RUNX1: variants seen among roughly 807,000 people sequenced by gnomAD.
RUNX1 encodes RUNX family transcription factor 1.
In RUNX1, 19 loss-of-function variants were observed where a neutral mutation model predicts 42.8. The observed-to-expected ratio is 0.44, with a 90% CI of 0.31 to 0.65. The LOEUF is 0.65. RUNX1 is among the 30% of genes least tolerant of loss of function. The pLI is 0.07. For synonymous variants in RUNX1, 271 were observed against 289.4 expected, an observed-to-expected ratio of 0.94 and a Z score of 0.64; for missense variants, 528 against 672.0, an observed-to-expected ratio of 0.79 and a Z score of 2.37.
At chr21:34,974,240 G>A (rs1430227565) in intron 2 of RUNX1, among the ~76,000 whole-genome samples, 1 of 152,060 alleles carries the variant, frequency 6.6e-6, no homozygotes, top group Non-Finnish European at 1.5e-5. Flanking sequence ...TCTGAGATCC[G>A]AACAATAAGT....
rs367784711 is a variant in RUNX1 at position 34,827,733 on chromosome 21, A to G, written c.805+6677T>C. ...CTGTGGCTTCAGTGGGCCTAGGTAT[A>G]CCTAGGCTGCCATTCTGAAGGGCAC... is the stretch of plus-strand genomic sequence containing the variant. On this transcript the variant is annotated intron_variant, in intron 7 of 8. Coordinates refer to ENST00000675419, the MANE Select transcript of RUNX1 (RefSeq NM_001754.5). 5.3e-5 allele frequency among the ~76,000 whole-genome samples: 8 copies of G among 152,296 alleles called. No individual in the cohort carries two copies. The South Asian group carries it at 1.5e-3, about 28-fold the overall frequency.
At position 35,031,166 on chromosome 21, in the gene RUNX1, T is replaced by C. The variant is rs561315690; in HGVS notation, c.58+17676A>G. ...GAGTTCGAGACCAGCCTGACCAACA[T>C]GGAGAGACCCTGTCTCTACTAAAAA... is the stretch of plus-strand genomic sequence containing the variant. On this transcript the variant is annotated intron_variant, in intron 2 of 8. Coordinates refer to ENST00000675419, the MANE Select transcript of RUNX1 (RefSeq NM_001754.5). Among the ~76,000 whole-genome samples the C allele has an allele frequency of 1.1e-4, 17 of 152,268 alleles. No homozygotes were observed. The South Asian group carries it at 3.3e-3, about 30-fold the overall frequency.
intron 2 of RUNX1, among the ~76,000 whole-genome samples, chr21:35,034,986 G>T (rs1258952106): frequency 1.3e-5 from 2 of 152,220 alleles, no homozygotes; most frequent in African/African-American, 2.4e-5. Flanking sequence ...GGAGTGAACA[G>T]ATCCAGTGTA....
At chr21:34,857,992 C>A (rs527559237) in intron 6 of RUNX1, among the ~76,000 whole-genome samples, 3 of 152,154 alleles carry the variant, frequency 2.0e-5, no homozygotes, top group Non-Finnish European at 2.9e-5. Flanking sequence ...GCTGAGAGGG[C>A]CCTCTGGGGA....
intron 2 of RUNX1, among the ~76,000 whole-genome samples, chr21:35,032,079 CA>C (rs1412055808): frequency 6.6e-6 from 1 of 152,174 alleles, no homozygotes; most frequent in Non-Finnish European, 1.5e-5. Context: ...GGGGAATGAT[CA>C]GGGGTGATCA....
intron 2 of RUNX1, among the ~76,000 whole-genome samples, chr21:34,954,314 G>A (rs1238199382): frequency 6.6e-6 from 1 of 152,196 alleles, no homozygotes; most frequent in Non-Finnish European, 1.5e-5. Flanking sequence ...GAGAAAAGGA[G>A]AGGGGAAATA....
At chr21:35,001,215 T>C (rs1291110106) in intron 2 of RUNX1, among the ~76,000 whole-genome samples, 2 of 151,678 alleles carry the variant, frequency 1.3e-5, no homozygotes, top group African/African-American at 4.8e-5. Context: ...TTAATAGCCT[T>C]ATTGAGATAT....
intron 7 of RUNX1, among the ~76,000 whole-genome samples, chr21:34,814,388 G>A (rs1248490732): frequency 6.6e-6 from 1 of 152,152 alleles, no homozygotes. Flanking sequence ...ACCTGTGTGC[G>A]CCTTTTCTTC....
chr21:34,950,171 C>T (rs959938068), intron 2 of RUNX1, among the ~76,000 whole-genome samples: 2 of 152,222 alleles, frequency 1.3e-5, no homozygotes, highest in African/African-American at 2.4e-5. Context: ...GTCATTGCAA[C>T]AGGTCTTCTA....
At chr21:35,012,436 T>G (rs1277469431) in intron 2 of RUNX1, among the ~76,000 whole-genome samples, 6 of 152,250 alleles carry the variant, frequency 3.9e-5, no homozygotes. Context: ...TCTATAATTC[T>G]GAGCCATGAT....
Position 34,969,928 on chromosome 21 carries a change from G to A in RUNX1, c.59-76965C>T, listed in dbSNP as rs72613617. The stretch of plus-strand genomic sequence containing the variant: ...ATGTGGGATACAGAACATTTTACAA[G>A]GTATGGATCATATCTGTTCTGGGGA... On this transcript the variant is annotated intron_variant, in intron 2 of 8. Coordinates refer to ENST00000675419, the MANE Select transcript of RUNX1 (RefSeq NM_001754.5). Among the ~76,000 whole-genome samples the A allele has an allele frequency of 0.013, 2,052 of 152,258 alleles. 105 individuals carry two copies. The East Asian group carries it at 0.18, about 13-fold the overall frequency.
chr21:35,029,671 G>A (rs1041350203), intron 2 of RUNX1, among the ~76,000 whole-genome samples: 3 of 152,150 alleles, frequency 2.0e-5, no homozygotes, highest in Admixed American at 6.6e-5. Context: ...CCAGCTTGCT[G>A]GTCCTAGTGC....
intron 7 of RUNX1, chr21:34,830,082 T>C (rs911978169): frequency 3.9e-5 from 6 of 152,130 alleles, no homozygotes; most frequent in Non-Finnish European, 5.9e-5. Flanking sequence ...AAGACAGAAG[T>C]TACTTGGAAT....
intron 7 of RUNX1, among the ~76,000 whole-genome samples, chr21:34,816,501 C>T (rs553830326): frequency 4.6e-5 from 7 of 152,052 alleles, no homozygotes; most frequent in African/African-American, 1.4e-4. Context: ...GTTGGTGAAG[C>T]GTCACTCAAA....
intron 4 of RUNX1, 44 bp from the exon 5 acceptor site, chr21:34,880,757 T>A (rs2057891702): frequency 6.3e-7 from 1 of 1,597,270 alleles, no homozygotes; most frequent in East Asian, 2.2e-5. Context: ...AGGGATGTTA[T>A]ACATACACTT....
chr21:34,983,259 T>C (rs1197389870), intron 2 of RUNX1, among the ~76,000 whole-genome samples: 2 of 152,328 alleles, frequency 1.3e-5, no homozygotes, highest in Non-Finnish European at 2.9e-5. Flanking sequence ...ATGTGAATCA[T>C]AGGAAGCGCT....
chr21:35,042,514 C>T lies in RUNX1; in HGVS notation c.58+6328G>A, dbSNP rs549240038. ...TGGAAAGTGACAACTCCATTGTCCT[C>T]AGTTCCCTCCAGCCAGAGGCCTGTG... On this transcript the variant is annotated intron_variant, in intron 2 of 8. Transcript: ENST00000675419. 7.2e-5 allele frequency among the ~76,000 whole-genome samples: 11 copies of T among 152,330 alleles called. 1 individual carries two copies. The highest frequency in any genetic ancestry group is 1.9e-4 in the African/African-American group (8 of 41,582).
At chr21:34,808,079 C>G (rs137941651) in intron 7 of RUNX1, among the ~76,000 whole-genome samples, 7 of 152,300 alleles carry the variant, frequency 4.6e-5, no homozygotes, top group Non-Finnish European at 8.8e-5. Flanking sequence ...GTTGCTATAT[C>G]ATTGAAATCC....
intron 2 of RUNX1, among the ~76,000 whole-genome samples, chr21:34,897,246 T>C (rs890757611): frequency 6.6e-6 from 1 of 152,204 alleles, no homozygotes; most frequent in African/African-American, 2.4e-5. Context: ...TCAATTCCTA[T>C]TGACATCATT....
Sources: gnomAD v4.1 joint callset for allele counts (sites outside exome capture counted in the v4.1 genomes callset) on GRCh38, gnomAD v4.1.1 for gene constraint, MANE v1.5 for transcripts, NCBI Gene and HGNC (gene_info 2026-07-23, HGNC 2026-07-21) for gene names.